Variants in NEMF observed in about 807,000 individuals in gnomAD.
NEMF encodes nuclear export mediator factor, also known as ribosome quality control complex subunit NEMF.
A neutral mutation model predicts 162.2 loss-of-function variants in NEMF; 89 were observed. The ratio of observed to expected loss-of-function variants is 0.55; its 90% CI spans 0.46 to 0.65. The LOEUF is 0.65. Among genes scored for constraint, NEMF ranks in the 30% least tolerant of loss-of-function variants. The pLI, the probability that NEMF is intolerant of heterozygous loss-of-function variation, is 0.00. For synonymous variants in NEMF, 421 were observed against 404.5 expected (o/e 1.04, Z -0.49); for missense variants, 1,133 against 1,261.9 (o/e 0.90, Z 1.55).
At chr14:49,803,687 A>G (rs1207255640) in intron 19 of NEMF, among the ~76,000 whole-genome samples, 1 of 151,700 alleles carries the variant, frequency 6.6e-6, no homozygotes, top group Non-Finnish European at 1.5e-5. Context: ...CACCATGCCC[A>G]GCTGATTTTT....
intron 19 of NEMF, among the ~76,000 whole-genome samples, chr14:49,804,252 C>T (rs1891085595): frequency 6.6e-6 from 1 of 151,990 alleles, no homozygotes; most frequent in South Asian, 2.1e-4. Flanking sequence ...GATCTGCCCA[C>T]CTTGGCCTTC....
intron 4 of NEMF, among the ~76,000 whole-genome samples, chr14:49,842,150 A>AG (rs1893244868): frequency 6.6e-6 from 1 of 151,798 alleles, no homozygotes; most frequent in South Asian, 2.1e-4. Flanking sequence ...ATAGAAAAAA[A>AG]AAACCCCAAA....
chr14:49,782,770 G>A lies in NEMF; in HGVS notation c.*1866C>T, dbSNP rs1163110127. 3.2e-6 allele frequency: 5 copies of A among 1,566,394 alleles called. No individual in the cohort carries two copies. The African/African-American group carries it at 5.5e-5, about 17-fold the overall frequency. The stretch of plus-strand genomic sequence containing the variant: ...AGGGATGTTTTATGTAGTTTTTCAA[G>A]TGAATGTACTTCCAAACAGTAAAGT... On this transcript the variant is annotated 3_prime_UTR_variant, in exon 33 of 33. Coordinates refer to ENST00000298310, the MANE Select transcript of NEMF (RefSeq NM_004713.6).
chr14:49,828,964 A>C (rs181720838), intron 13 of NEMF, 90 bp downstream of exon 13: 1 of 1,402,520 alleles, frequency 7.1e-7, no homozygotes, highest in East Asian at 2.3e-5. Context: ...GAGAATTTCA[A>C]AATATGAAGA....
intron 19 of NEMF, among the ~76,000 whole-genome samples, chr14:49,804,006 GC>G (rs1215520670): frequency 6.8e-6 from 1 of 148,026 alleles, no homozygotes; most frequent in Admixed American, 6.7e-5. Context: ...ATAAAGTTTT[GC>G]CTTTTTTTTT....
chr14:49,785,947 C>T (rs1308698400), intron 29 of NEMF: 2 of 151,696 alleles, frequency 1.3e-5, no homozygotes, highest in Non-Finnish European at 2.9e-5. Flanking sequence ...CAGAAACCTG[C>T]TGTGGATTAA....
intron 1 of NEMF, 91 bp downstream of exon 1, chr14:49,852,604 A>C: frequency 2.2e-6 from 3 of 1,393,326 alleles, no homozygotes; most frequent in Non-Finnish European, 3.0e-6. Context: ...GGAAATAAGG[A>C]AACATATCAA....
At position 49,782,654 on chromosome 14, in the gene NEMF, A is replaced by G; in HGVS notation, c.*1982T>C. The G allele has an allele frequency of 7.0e-7, 1 of 1,433,426 alleles. No individual in the cohort carries two copies. Among genetic ancestry groups the G allele is most frequent in the Admixed American group, 2.1e-5 (1 of 47,164 alleles). The allele number at this position is 1,433,426 out of a possible 1,614,324, so 88.8% of individuals were successfully genotyped here. ...AAAATTGTGTTTCCTAAGACTTAGC[A>G]CTCTCGAAAAACTAGGTTTATGGAT... On this transcript the variant is annotated 3_prime_UTR_variant, in exon 33 of 33. Transcript: ENST00000298310.
At chr14:49,797,025 T>G (rs986097793) in intron 25 of NEMF, among the ~76,000 whole-genome samples, 2 of 152,200 alleles carry the variant, frequency 1.3e-5, no homozygotes, top group Non-Finnish European at 2.9e-5. Flanking sequence ...ACTTTATCAC[T>G]TTCAGACACT....
intron 3 of NEMF, among the ~76,000 whole-genome samples, chr14:49,846,941 A>G (rs990677438): frequency 5.3e-5 from 8 of 152,224 alleles, no homozygotes; most frequent in Non-Finnish European, 2.9e-5. Context: ...ACTGGAATGC[A>G]GTGGCACAGT....
chr14:49,831,915 C>T (rs940971893), intron 10 of NEMF, 136 bp downstream of exon 10: 15 of 604,186 alleles, frequency 2.5e-5, no homozygotes, highest in South Asian at 7.1e-5. Context: ...GTATCTGTGA[C>T]GACACTGATC....
At chr14:49,814,182 T>A in intron 17 of NEMF, 132 bp from the exon 18 acceptor site, 1 of 581,492 alleles carries the variant, frequency 1.7e-6, no homozygotes, top group South Asian at 1.9e-5. Flanking sequence ...TCACTGCAAC[T>A]TCTGCCCCCA....
rs767212051 is a variant in NEMF at position 49,789,272 on chromosome 14, CT to C, written c.2768del (p.Lys923ArgfsTer27). 41 of 1,614,022 alleles carry C rather than the reference CT, an allele frequency of 2.5e-5. No homozygotes were observed. Among genetic ancestry groups the C allele is most frequent in the Non-Finnish European group, 3.1e-5 (37 of 1,180,010 alleles). On this transcript the variant is annotated frameshift_variant, in exon 28 of 33. Coordinates refer to ENST00000298310, the MANE Select transcript of NEMF (RefSeq NM_004713.6). LOFTEE classifies it high-confidence loss of function. ...CACCTCTAGGTTTCTGGGGCTGTTTCTTCACAGGTTCGTCCTTTGTTTTTCC... is the reference window on the plus strand; with the variant it reads ...CACCTCTAGGTTTCTGGGGCTGTTTCTCACAGGTTCGTCCTTTGTTTTTCC... ...KKGKTKDEPVKKQPQKPRGGQ... is the reference protein window; with the variant it reads ...KKGKTKDEPVXKQPQKPRGGQ...
At chr14:49,834,805 T>C (rs891235363) in intron 6 of NEMF, among the ~76,000 whole-genome samples, 1 of 152,222 alleles carries the variant, frequency 6.6e-6, no homozygotes, top group Admixed American at 6.5e-5. Flanking sequence ...ATTCAAAATA[T>C]AGCACAAATT....
chr14:49,794,895 A>G (rs972902623), intron 26 of NEMF, among the ~76,000 whole-genome samples: 5 of 151,766 alleles, frequency 3.3e-5, no homozygotes, highest in African/African-American at 9.7e-5. Flanking sequence ...ATTTTTCTAT[A>G]TTTAGTAGAG....
Position 49,782,217 on chromosome 14 carries a change from GCTA to G in NEMF, c.*2416_*2418del, listed in dbSNP as rs1336629803. ...AATAGATATTGATTGATCTGCTTTT[GCTA>G]CTTTCCCTTAAGATTTTACTTCTCG... On this transcript the variant is annotated 3_prime_UTR_variant, in exon 33 of 33. Coordinates refer to ENST00000298310, the MANE Select transcript of NEMF (RefSeq NM_004713.6). 1 of 545,392 alleles carries G rather than the reference GCTA, an allele frequency of 1.8e-6. No homozygotes were observed. Among genetic ancestry groups the G allele is most frequent in the African/African-American group, 1.9e-5 (1 of 51,352 alleles). 33.8% of individuals were successfully genotyped at this position (545,392 alleles called of 1,614,324 possible).
At chr14:49,813,875 A>G (rs994159846) in intron 18 of NEMF, 113 bp downstream of exon 18, 2 of 667,396 alleles carry the variant, frequency 3.0e-6, no homozygotes, top group African/African-American at 3.7e-5. Flanking sequence ...AAGTGCTGGG[A>G]TTACAGGCAT....
At chr14:49,849,552 A>G (rs1893672420) in intron 3 of NEMF, 1 of 152,246 alleles carries the variant, frequency 6.6e-6, no homozygotes, top group Non-Finnish European at 1.5e-5. Flanking sequence ...TGCTCCATTG[A>G]GGAAATCTTT....
intron 28 of NEMF, chr14:49,787,035 T>C (rs1054763451): frequency 2.2e-5 from 6 of 278,680 alleles, no homozygotes; most frequent in African/African-American, 1.1e-4. Flanking sequence ...ATAAAGTATA[T>C]GTTAAAGCAG....
Sources: allele counts gnomAD v4.1 joint callset (sites outside exome capture counted in the v4.1 genomes callset), GRCh38; gene constraint gnomAD v4.1.1; transcripts MANE v1.5; gene names NCBI Gene and HGNC (gene_info 2026-07-23, HGNC 2026-07-21).